RCOR1: variants seen among roughly 807,000 people sequenced by gnomAD.
RCOR1 encodes the protein REST corepressor.
Under a neutral mutation model 64.0 loss-of-function variants are expected in RCOR1, and 12 were observed. That is an observed-to-expected ratio of 0.19 (90% CI 0.12 to 0.30). The LOEUF is 0.30. RCOR1 is among the 10% of genes least tolerant of loss of function. RCOR1 has a pLI of 1.00. For missense variants in RCOR1, 502 were observed against 621.2 expected (o/e 0.81, Z 2.04); for synonymous variants, 279 against 227.2 (o/e 1.23, Z -2.05).
chr14:102,600,570 T>G (rs985311275), intron 2 of RCOR1, among the ~76,000 whole-genome samples: 2 of 143,354 alleles, frequency 1.4e-5, no homozygotes, highest in African/African-American at 5.1e-5. Context: ...CCCAGCTAAT[T>G]TTTTTTTTTT....
rs147253287 is a variant in RCOR1 at position 102,648,712 on chromosome 14, C to A, written c.362-33183C>A. Among the ~76,000 whole-genome samples the A allele has an allele frequency of 7.0e-3, 1,063 of 152,278 alleles. 15 individuals are homozygous for A. Among genetic ancestry groups the A allele is most frequent in the African/African-American group, 0.024 (1,012 of 41,550 alleles). ...CATTTTGATCCAACATCATAGGATT[C>A]ATTTTAGCCCTTTTCCTTTCCTTAT... On this transcript the variant is annotated intron_variant, in intron 2 of 11. Coordinates refer to ENST00000262241, the MANE Select transcript of RCOR1 (RefSeq NM_015156.4).
chr14:102,692,762 C>CT (rs1895563260), intron 3 of RCOR1, among the ~76,000 whole-genome samples: 2 of 85,910 alleles, frequency 2.3e-5, no homozygotes, highest in Admixed American at 1.3e-4. Flanking sequence ...CCTTCTTTTT[C>CT]TTTTTCTTTT....
At chr14:102,668,367 C>T (rs910498467) in intron 2 of RCOR1, among the ~76,000 whole-genome samples, 16 of 152,068 alleles carry the variant, frequency 1.1e-4, no homozygotes, top group African/African-American at 3.9e-4. Flanking sequence ...AGCAATTGAC[C>T]GAACAGTACT....
intron 2 of RCOR1, among the ~76,000 whole-genome samples, chr14:102,632,693 TTTCCTTTCC>T (rs1894146672): frequency 8.4e-6 from 1 of 119,034 alleles, no homozygotes; most frequent in Non-Finnish European, 1.8e-5. Flanking sequence ...TCCTTTTCCT[TTTCCTTTCC>T]TTTCCTTTTC....
intron 2 of RCOR1, among the ~76,000 whole-genome samples, chr14:102,601,639 A>T (rs536064845): frequency 2.0e-5 from 3 of 152,180 alleles, no homozygotes; most frequent in Non-Finnish European, 4.4e-5. Flanking sequence ...GTTCAGAGAA[A>T]ATCTCAGCCA....
At chr14:102,683,691 G>A (rs917280488) in intron 3 of RCOR1, among the ~76,000 whole-genome samples, 11 of 152,228 alleles carry the variant, frequency 7.2e-5, no homozygotes, top group African/African-American at 2.4e-4. Context: ...TGTGGCCCCC[G>A]CTGACCTGGA....
intron 2 of RCOR1, among the ~76,000 whole-genome samples, chr14:102,642,574 C>T (rs1465282136): frequency 6.6e-6 from 1 of 152,162 alleles, no homozygotes; most frequent in Non-Finnish European, 1.5e-5. Flanking sequence ...GTGGCTCACA[C>T]CTGTAATTTC....
intron 2 of RCOR1, chr14:102,662,442 T>C (rs756813699): frequency 1.6e-5 from 9 of 549,544 alleles, no homozygotes; most frequent in South Asian, 6.9e-5. Flanking sequence ...TTGTCCTCGC[T>C]CTTCTTCATG....
chr14:102,598,516 G>A (rs1893315573), intron 2 of RCOR1, among the ~76,000 whole-genome samples: 1 of 144,726 alleles, frequency 6.9e-6, no homozygotes, highest in East Asian at 2.0e-4. Context: ...GGTGTAATCC[G>A]GGCTCACTGC....
intron 2 of RCOR1, among the ~76,000 whole-genome samples, chr14:102,664,060 T>G (rs555119938): frequency 1.3e-5 from 2 of 152,170 alleles, no homozygotes; most frequent in Non-Finnish European, 2.9e-5. Context: ...GGACATAGAT[T>G]AGGCATTAGC....
At chr14:102,654,047 G>A (rs1018839280) in intron 2 of RCOR1, among the ~76,000 whole-genome samples, 23 of 138,180 alleles carry the variant, frequency 1.7e-4, no homozygotes, top group Non-Finnish European at 3.5e-4. Context: ...GTGCAGTGGT[G>A]CGATCTCCAC....
chr14:102,655,346 A>G, intron 2 of RCOR1: 2 of 985,308 alleles, frequency 2.0e-6, no homozygotes, highest in Non-Finnish European at 1.2e-6. Context: ...TTACTTTAGA[A>G]TGGCAGGAAG....
chr14:102,632,408 G>A (rs1342888622), intron 2 of RCOR1, among the ~76,000 whole-genome samples: 2 of 149,688 alleles, frequency 1.3e-5, no homozygotes, highest in South Asian at 2.1e-4. Context: ...TAGTAGAGAC[G>A]GGGTTTCAAC....
chr14:102,598,281 T>C (rs1279086731), intron 2 of RCOR1, among the ~76,000 whole-genome samples: 4 of 152,216 alleles, frequency 2.6e-5, no homozygotes, highest in Non-Finnish European at 2.9e-5. Flanking sequence ...ATTTTACTTA[T>C]TTGCGGTATG....
rs10712788 is a variant in RCOR1 at position 102,687,964 on chromosome 14, C to CTT, written c.445+6004_445+6005dup. 4.9e-4 allele frequency among the ~76,000 whole-genome samples: 66 copies of CTT among 135,678 alleles called. 1 individual carries two copies. Among genetic ancestry groups the CTT allele is most frequent in the South Asian group, 9.3e-4 (4 of 4,288 alleles). The allele number at this position is 135,678 out of a possible 152,430, so 89.0% of individuals were successfully genotyped here. A position where few individuals can be genotyped will look rare whatever the true frequency, so the allele number is the denominator to read the frequency against. ...TAGACAGAAGAAATGATAGCATTTC[C>CTT]TTTTTTTTTTTTTTTTTTTGAGATA... On this transcript the variant is annotated intron_variant, in intron 3 of 11. Coordinates refer to ENST00000262241, the MANE Select transcript of RCOR1 (RefSeq NM_015156.4).
At chr14:102,702,974 A>G (rs1273680718) in intron 4 of RCOR1, among the ~76,000 whole-genome samples, 2 of 152,234 alleles carry the variant, frequency 1.3e-5, no homozygotes, top group African/African-American at 2.4e-5. Flanking sequence ...TGGAAGATAC[A>G]GAAAAAATCA....
intron 2 of RCOR1, among the ~76,000 whole-genome samples, chr14:102,659,461 A>G (rs138780085): frequency 5.9e-5 from 9 of 152,350 alleles, no homozygotes; most frequent in Admixed American, 2.0e-4. Flanking sequence ...AGGACAAGGA[A>G]CCAATTCTGG....
chr14:102,704,245 C>T (rs1308530662), intron 4 of RCOR1, among the ~76,000 whole-genome samples: 2 of 152,202 alleles, frequency 1.3e-5, no homozygotes. Context: ...CAGGAGAGCT[C>T]TGCTCATTCC....
rs752306120 is a variant in RCOR1, at chr14:102,627,966, T to TGC, written c.361+34642_361+34643insCG. On this transcript the variant is annotated intron_variant, in intron 2 of 11. Coordinates refer to ENST00000262241, the MANE Select transcript of RCOR1 (RefSeq NM_015156.4). Reference sequence around the variant, plus strand: ...TATGCATAAATTTAAAAGGGGTGTGTGTGTGTGTGTGTGTGTAAAATTGAC... The same window carrying TGC: ...TATGCATAAATTTAAAAGGGGTGTGTGCGTGTGTGTGTGTGTGTAAAATTGAC... Among the ~76,000 whole-genome samples, 375 of 151,228 alleles carry TGC rather than the reference T, an allele frequency of 2.5e-3. 3 individuals are homozygous for TGC. Among genetic ancestry groups the TGC allele is most frequent in the South Asian group, 4.9e-3 (23 of 4,722 alleles).
Sources: gnomAD v4.1 joint callset for allele counts (sites outside exome capture counted in the v4.1 genomes callset) on GRCh38, gnomAD v4.1.1 for gene constraint, MANE v1.5 for transcripts, NCBI Gene and HGNC (gene_info 2026-07-23, HGNC 2026-07-21) for gene names.